Variants in PCDHA6 observed in about 807,000 individuals in gnomAD.
PCDHA6 encodes the protein protocadherin alpha-6.
Under a neutral mutation model 60.3 loss-of-function variants are expected in PCDHA6, and 55 were observed. That is an observed-to-expected ratio of 0.91 (90% CI 0.73 to 1.14). The LOEUF is 1.14. Ranked by LOEUF, PCDHA6 falls within the 50% of genes most tolerant of loss-of-function variation. PCDHA6 has a pLI of 0.00. For missense variants in PCDHA6, 1,327 were observed against 1,256.5 expected, an observed-to-expected ratio of 1.06 and a Z score of -0.85; for synonymous variants, 652 against 557.9, an observed-to-expected ratio of 1.17 and a Z score of -2.38.
intron 1 of PCDHA6, among the ~76,000 whole-genome samples, chr5:140,921,041 G>A (rs902181810): frequency 1.3e-5 from 2 of 151,820 alleles, no homozygotes; most frequent in Non-Finnish European, 2.9e-5. Flanking sequence ...GTGCAGTGGG[G>A]CAATCATAGC....
At chr5:140,902,540 C>T (rs2069538388) in intron 1 of PCDHA6, among the ~76,000 whole-genome samples, 1 of 151,900 alleles carries the variant, frequency 6.6e-6, no homozygotes, top group South Asian at 2.1e-4. Context: ...GAGGTATGTT[C>T]CTTCTATACC....
chr5:140,926,928 G>T, intron 1 of PCDHA6: 1 of 1,574,878 alleles, frequency 6.3e-7, no homozygotes, highest in Non-Finnish European at 8.6e-7. Flanking sequence ...TATGTTTGTG[G>T]GTTTCCTGCG....
At chr5:140,891,400 G>A (rs1220760247) in intron 1 of PCDHA6, among the ~76,000 whole-genome samples, 1 of 150,966 alleles carries the variant, frequency 6.6e-6, no homozygotes, top group Non-Finnish European at 1.5e-5. Flanking sequence ...TTTATCCCTC[G>A]CCACCCCCCA....
At chr5:140,882,016 A>T in intron 1 of PCDHA6, 1 of 543,846 alleles carries the variant, frequency 1.8e-6, no homozygotes, top group Non-Finnish European at 3.0e-6. Context: ...AAAAAATACT[A>T]CATCAATGGA....
At chr5:140,895,892 A>G (rs1554186717) in intron 1 of PCDHA6, among the ~76,000 whole-genome samples, 1 of 152,080 alleles carries the variant, frequency 6.6e-6, no homozygotes, top group East Asian at 1.9e-4. Flanking sequence ...GCTCACTGCA[A>G]CCTCCGCGTC....
At chr5:140,991,757 C>T (rs1554252410) in intron 3 of PCDHA6, among the ~76,000 whole-genome samples, 1 of 152,160 alleles carries the variant, frequency 6.6e-6, no homozygotes, top group African/African-American at 2.4e-5. Context: ...CTATCATGCT[C>T]TTCAAAATTC....
intron 1 of PCDHA6, among the ~76,000 whole-genome samples, chr5:140,933,690 T>A (rs1382967033): frequency 1.3e-5 from 2 of 152,048 alleles, no homozygotes; most frequent in Non-Finnish European, 2.9e-5. Flanking sequence ...TTTTTCCTAT[T>A]CCTCGGACAC....
At chr5:140,930,711 C>G (rs10214249) in intron 1 of PCDHA6, among the ~76,000 whole-genome samples, 2,020 of 152,280 alleles carry the variant, frequency 0.013, 38 homozygotes, top group African/African-American at 0.046. Flanking sequence ...TATTCTTCCT[C>G]AAGTAATGAT....
rs200732213 is a variant in PCDHA6, at chr5:140,863,214, A to G, written c.2394+32729A>G. On this transcript the variant is annotated intron_variant, in intron 1 of 3. Transcript: ENST00000529310. ...TGGCGTCGCTGGCGGAGAGCAGCCA[A>G]GCGAGGAAGGTCCCATCGCGGGCTT... The G allele has an allele frequency of 2.6e-3, 2,761 of 1,068,920 alleles. 12 individuals carry two copies. The highest frequency in any genetic ancestry group is 9.8e-3 in the Middle Eastern group (44 of 4,506). The allele number at this position is 1,068,920 out of a possible 1,614,324, so 66.2% of individuals were successfully genotyped here. A position where few individuals can be genotyped will look rare whatever the true frequency, so the allele number is the denominator to read the frequency against.
intron 1 of PCDHA6, among the ~76,000 whole-genome samples, chr5:140,977,055 A>T (rs1220462981): frequency 1.3e-5 from 2 of 152,234 alleles, no homozygotes; most frequent in African/African-American, 4.8e-5. Flanking sequence ...CTGATGGACT[A>T]GTATAGAAAA....
At chr5:140,890,886 A>G (rs1332125590) in intron 1 of PCDHA6, among the ~76,000 whole-genome samples, 3 of 151,952 alleles carry the variant, frequency 2.0e-5, no homozygotes, top group Admixed American at 1.3e-4. Flanking sequence ...TTCATCAGGG[A>G]TTATTGTCTT....
At position 140,836,649 on chromosome 5, in the gene PCDHA6, C is replaced by A; in HGVS notation, c.2394+6164C>A. The A allele has an allele frequency of 2.5e-6, 4 of 1,613,466 alleles. 1 individual carries two copies. The highest frequency in any genetic ancestry group is 3.4e-6 in the Non-Finnish European group (4 of 1,179,602). On this transcript the variant is annotated intron_variant, in intron 1 of 3. Transcript: ENST00000529310. ...CTGGTCATTCTCCCAGCAGAGGCGGCAGAGGGTGTGCTCTGGGGAGGGCCC... is the reference window on the plus strand; with the variant it reads ...CTGGTCATTCTCCCAGCAGAGGCGGAAGAGGGTGTGCTCTGGGGAGGGCCC...
intron 1 of PCDHA6, chr5:140,968,646 C>T (rs2153772882): frequency 6.2e-7 from 1 of 1,614,216 alleles, no homozygotes; most frequent in Non-Finnish European, 8.5e-7. Context: ...CTAGCCCAGA[C>T]TTCTGACCTG....
chr5:140,991,445 A>G (rs1352709310), intron 3 of PCDHA6, among the ~76,000 whole-genome samples: 1 of 152,222 alleles, frequency 6.6e-6, no homozygotes, highest in African/African-American at 2.4e-5. Flanking sequence ...CATGGCTTAA[A>G]ACAACACAAT....
At chr5:140,833,422 G>T (rs548825433) in intron 1 of PCDHA6, among the ~76,000 whole-genome samples, 4 of 152,178 alleles carry the variant, frequency 2.6e-5, no homozygotes, top group Admixed American at 2.0e-4. Context: ...CTGTATGTGA[G>T]ATGGCTGAGC....
chr5:140,988,152 C>G (rs2153871090), intron 3 of PCDHA6, among the ~76,000 whole-genome samples: 1 of 152,258 alleles, frequency 6.6e-6, no homozygotes, highest in East Asian at 1.9e-4. Flanking sequence ...ACCTCAACTT[C>G]TGCCGTTGTC....
At chr5:140,866,470 A>T (rs955596608) in intron 1 of PCDHA6, 1 of 152,128 alleles carries the variant, frequency 6.6e-6, no homozygotes, top group Non-Finnish European at 1.5e-5. Flanking sequence ...AGCTCATAAC[A>T]ACTGACAAAT....
At chr5:140,895,332 G>C (rs1021596445) in intron 1 of PCDHA6, among the ~76,000 whole-genome samples, 1 of 151,584 alleles carries the variant, frequency 6.6e-6, no homozygotes, top group South Asian at 2.1e-4. Context: ...TTCTCAAATT[G>C]TTTTACTATG....
intron 1 of PCDHA6, among the ~76,000 whole-genome samples, chr5:140,946,755 A>G (rs1554217843): frequency 3.3e-5 from 5 of 151,400 alleles, no homozygotes. Context: ...ATACTGCATG[A>G]TCTCATTCAT....
Sources: allele counts gnomAD v4.1 joint callset (sites outside exome capture counted in the v4.1 genomes callset), GRCh38; gene constraint gnomAD v4.1.1; transcripts MANE v1.5; gene names NCBI Gene and HGNC (gene_info 2026-07-23, HGNC 2026-07-21).